The following ROBO1 variants were observed in gnomAD, a reference collection of about 807,000 sequenced individuals.
The protein encoded by ROBO1 is roundabout homolog 1.
A neutral mutation model predicts 195.9 loss-of-function variants in ROBO1; 149 were observed. The observed-to-expected ratio is 0.76, with a 90% confidence interval of 0.67 to 0.87. The LOEUF is 0.87. ROBO1 is among the 40% of genes least tolerant of loss of function. The pLI, the probability that ROBO1 is intolerant of heterozygous loss-of-function variation, is 0.00. For missense variants in ROBO1, 1,933 were observed against 2,068.3 expected (o/e 0.93, Z 1.27); for synonymous variants, 816 against 733.2 (o/e 1.11, Z -1.82).
intron 2 of ROBO1, among the ~76,000 whole-genome samples, chr3:79,448,984 C>T (rs1302955973): frequency 2.6e-5 from 4 of 152,120 alleles, no homozygotes; most frequent in Admixed American, 2.0e-4. Flanking sequence ...AATCCCAGCA[C>T]TTTGAAAGGC....
chr3:78,831,616 C>T (rs2032216337), intron 4 of ROBO1, among the ~76,000 whole-genome samples: 1 of 152,116 alleles, frequency 6.6e-6, no homozygotes, highest in Non-Finnish European at 1.5e-5. Flanking sequence ...ACTAATTCAC[C>T]ACTCAAAACC....
intron 2 of ROBO1, among the ~76,000 whole-genome samples, chr3:79,509,511 G>T (rs1219610668): frequency 1.3e-5 from 2 of 151,906 alleles, no homozygotes; most frequent in Non-Finnish European, 2.9e-5. Context: ...ATAATTCTAG[G>T]AACAGTCTTG....
At chr3:79,332,558 A>G (rs903607034) in intron 2 of ROBO1, among the ~76,000 whole-genome samples, 2 of 152,166 alleles carry the variant, frequency 1.3e-5, no homozygotes, top group Non-Finnish European at 2.9e-5. Flanking sequence ...TCCCATTTCT[A>G]CATCCCTGGC....
chr3:79,021,347 G>C (rs1321363844), intron 3 of ROBO1, among the ~76,000 whole-genome samples: 1 of 152,150 alleles, frequency 6.6e-6, no homozygotes, highest in Non-Finnish European at 1.5e-5. Flanking sequence ...TGTAGTACTT[G>C]AGAGAAAGAG....
chr3:78,609,034 G>A (rs528589154), intron 28 of ROBO1, among the ~76,000 whole-genome samples: 12 of 152,250 alleles, frequency 7.9e-5, no homozygotes, highest in African/African-American at 2.4e-4. Flanking sequence ...CAGAGATACA[G>A]GGATTTTGGA....
chr3:79,401,987 G>T (rs2037383056), intron 2 of ROBO1, among the ~76,000 whole-genome samples: 1 of 151,726 alleles, frequency 6.6e-6, no homozygotes, highest in Non-Finnish European at 1.5e-5. Context: ...TGTAACATTG[G>T]TAACTGCTTA....
chr3:78,716,705 T>C (rs2081910956), intron 7 of ROBO1, among the ~76,000 whole-genome samples: 1 of 152,134 alleles, frequency 6.6e-6, no homozygotes, highest in African/African-American at 2.4e-5. Context: ...TCAACACATG[T>C]TTGCTGAAGG....
chr3:79,601,756 C>T (rs1196496448), intron 1 of ROBO1, among the ~76,000 whole-genome samples: 1 of 151,756 alleles, frequency 6.6e-6, no homozygotes, highest in East Asian at 1.9e-4. Context: ...CAATATTTAC[C>T]AGAGCAAAAT....
chr3:79,575,184 A>T (rs1348197478), intron 2 of ROBO1, among the ~76,000 whole-genome samples: 1 of 113,676 alleles, frequency 8.8e-6, no homozygotes, highest in South Asian at 2.3e-4. Flanking sequence ...AATATATATA[A>T]CATATATATA....
At chr3:79,756,558 A>G (rs1284723921) in intron 1 of ROBO1, among the ~76,000 whole-genome samples, 109 of 151,124 alleles carry the variant, frequency 7.2e-4, no homozygotes, top group East Asian at 1.2e-3. Flanking sequence ...CTCAAAAAAA[A>G]AAAAAAAAAA....
At chr3:79,688,746 A>C (rs1424227165) in intron 1 of ROBO1, among the ~76,000 whole-genome samples, 1 of 152,060 alleles carries the variant, frequency 6.6e-6, no homozygotes, top group Non-Finnish European at 1.5e-5. Flanking sequence ...GACTGACAGA[A>C]GTTTTATTAA....
chr3:79,091,633 A>T (rs1429701671), intron 3 of ROBO1, among the ~76,000 whole-genome samples: 1 of 152,168 alleles, frequency 6.6e-6, no homozygotes, highest in Non-Finnish European at 1.5e-5. Context: ...AGTGATAAGG[A>T]CTATGGAAAA....
chr3:79,646,595 G>A (rs138765476), intron 1 of ROBO1, among the ~76,000 whole-genome samples: 10 of 152,266 alleles, frequency 6.6e-5, no homozygotes, highest in African/African-American at 2.4e-4. Context: ...ACATTGCAGA[G>A]ACATCTGCAC....
At chr3:79,351,440 A>T in intron 2 of ROBO1, among the ~76,000 whole-genome samples, 1 of 152,150 alleles carries the variant, frequency 6.6e-6, no homozygotes, top group East Asian at 1.9e-4. Flanking sequence ...TAAGTAGCCC[A>T]CACGTTTCTG....
At chr3:78,642,569 A>G (rs1216611780) in intron 21 of ROBO1, among the ~76,000 whole-genome samples, 1 of 152,180 alleles carries the variant, frequency 6.6e-6, no homozygotes, top group Non-Finnish European at 1.5e-5. Context: ...GGTTAGCCAG[A>G]CTTTCCCATC....
intron 2 of ROBO1, among the ~76,000 whole-genome samples, chr3:79,360,059 G>A (rs1029004750): frequency 6.6e-6 from 1 of 152,016 alleles, no homozygotes; most frequent in Non-Finnish European, 1.5e-5. Flanking sequence ...CAAGACAATA[G>A]CATGAGCGAT....
At chr3:79,056,366 C>G (rs1395026639) in intron 3 of ROBO1, among the ~76,000 whole-genome samples, 2 of 152,044 alleles carry the variant, frequency 1.3e-5, no homozygotes, top group Non-Finnish European at 2.9e-5. Flanking sequence ...GCCGACCCCA[C>G]TGATAAAGAA....
At position 79,557,730 on chromosome 3, in the gene ROBO1, T is replaced by TAAAAAAAAA. The variant is rs368317896; in HGVS notation, c.88+32093_88+32094insTTTTTTTTT. On this transcript the variant is annotated intron_variant, in intron 2 of 30. Coordinates refer to ENST00000464233, the MANE Select transcript of ROBO1 (RefSeq NM_002941.4). ...CCTGGGCAACAGAGCGAGACTGTCT[T>TAAAAAAAAA]AAAACAAAAAAAAATATATATATAT... Among the ~76,000 whole-genome samples, 4 of 110,552 alleles carry TAAAAAAAAA rather than the reference T, an allele frequency of 3.6e-5. 1 individual carries two copies. The highest frequency in any genetic ancestry group is 1.3e-4 in the African/African-American group (3 of 23,128). 72.5% of individuals were successfully genotyped at this position (110,552 alleles called of 152,430 possible).
chr3:79,595,761 C>A (rs1173884139), intron 1 of ROBO1, among the ~76,000 whole-genome samples: 1 of 148,730 alleles, frequency 6.7e-6, no homozygotes, highest in African/African-American at 2.5e-5. Flanking sequence ...GCCTATGTTG[C>A]CCAAGATGGT....
Sources: allele counts gnomAD v4.1 joint callset (sites outside exome capture counted in the v4.1 genomes callset), GRCh38; gene constraint gnomAD v4.1.1; transcripts MANE v1.5; gene names NCBI Gene and HGNC (gene_info 2026-07-23, HGNC 2026-07-21).